Variants in ERBB4 observed in about 807,000 individuals in gnomAD.
ERBB4 encodes receptor tyrosine-protein kinase erbB-4.
Under a neutral mutation model 158.0 loss-of-function variants are expected in ERBB4, and 42 were observed. That is an observed-to-expected ratio of 0.27 (90% CI 0.21 to 0.34). ERBB4 has a LOEUF of 0.34. Ranked by LOEUF, ERBB4 falls within the 10% of genes least tolerant of loss-of-function variation. ERBB4 has a pLI of 1.00. For missense variants in ERBB4, 1,333 were observed against 1,624.1 expected (o/e 0.82, Z 3.08); for synonymous variants, 583 against 558.7 (o/e 1.04, Z -0.61).
intron 3 of ERBB4, among the ~76,000 whole-genome samples, chr2:211,820,953 C>G (rs1444615515): frequency 1.3e-5 from 2 of 151,712 alleles, no homozygotes; most frequent in Non-Finnish European, 3.0e-5. Flanking sequence ...TACGTAACAT[C>G]AAAAGTTTCC....
chr2:212,296,026 G>C (rs1440996914), intron 1 of ERBB4, among the ~76,000 whole-genome samples: 2 of 151,878 alleles, frequency 1.3e-5, no homozygotes, highest in Non-Finnish European at 2.9e-5. Context: ...GATGATCCCA[G>C]GATTGATCAA....
At chr2:211,731,949 G>T (rs760985137) in intron 5 of ERBB4, among the ~76,000 whole-genome samples, 8 of 152,112 alleles carry the variant, frequency 5.3e-5, no homozygotes, top group Admixed American at 2.6e-4. Context: ...TTAAAATAAA[G>T]ATGTCTGGCC....
chr2:211,723,479 A>C (rs1014322074), intron 6 of ERBB4, among the ~76,000 whole-genome samples: 5 of 152,170 alleles, frequency 3.3e-5, no homozygotes, highest in African/African-American at 1.2e-4. Context: ...ATGGTTATTA[A>C]TAAGCATTAA....
chr2:212,343,225 C>T (rs2088809217), intron 1 of ERBB4, among the ~76,000 whole-genome samples: 1 of 152,134 alleles, frequency 6.6e-6, no homozygotes, highest in Non-Finnish European at 1.5e-5. Flanking sequence ...ACTCTTGAAA[C>T]TTTTTATTCT....
chr2:212,176,565 T>G (rs1437053647), intron 1 of ERBB4, among the ~76,000 whole-genome samples: 1 of 151,986 alleles, frequency 6.6e-6, no homozygotes, highest in Non-Finnish European at 1.5e-5. Context: ...CCACCCAGTA[T>G]ATGTTATTTT....
Position 211,721,443 on chromosome 2 carries a change from C to CAAAAAAAAAAAAAAAAAAAAAAAAAAAAA in ERBB4, c.883+949_883+950insTTTTTTTTTTTTTTTTTTTTTTTTTTTTT, listed in dbSNP as rs71054136. Among the ~76,000 whole-genome samples, 13 of 54,498 alleles carry CAAAAAAAAAAAAAAAAAAAAAAAAAAAAA rather than the reference C, an allele frequency of 2.4e-4. 1 individual carries two copies. The highest frequency in any genetic ancestry group is 5.7e-4 in the African/African-American group (6 of 10,534). 35.8% of individuals were successfully genotyped at this position (54,498 alleles called of 152,430 possible). ...GAAATGTCCCATTGGTTACTCAAAG[C>CAAAAAAAAAAAAAAAAAAAAAAAAAAAAA]AAAAAAAAAAAAAAAAAAAAAATAG... On this transcript the variant is annotated intron_variant, in intron 7 of 27. Transcript: ENST00000342788.
At chr2:211,832,617 T>C (rs111867407) in intron 3 of ERBB4, among the ~76,000 whole-genome samples, 36 of 150,540 alleles carry the variant, frequency 2.4e-4, no homozygotes, top group African/African-American at 8.8e-4. Context: ...TGTATATATA[T>C]ATACATATAT....
At chr2:211,865,571 T>C (rs374940441) in intron 3 of ERBB4, among the ~76,000 whole-genome samples, 7 of 152,202 alleles carry the variant, frequency 4.6e-5, no homozygotes, top group African/African-American at 1.7e-4. Flanking sequence ...CACTGCAACT[T>C]CTGCCTCCCA....
chr2:211,480,093 G>C (rs556552633), intron 20 of ERBB4, among the ~76,000 whole-genome samples: 44 of 152,262 alleles, frequency 2.9e-4, no homozygotes, highest in Middle Eastern at 3.4e-3. Flanking sequence ...CATTGGAACT[G>C]ACTTAACCCT....
Position 211,912,484 on chromosome 2 carries a change from T to G in ERBB4, c.421+34946A>C, listed in dbSNP as rs1014315217. Among the ~76,000 whole-genome samples, 4 of 152,176 alleles carry G rather than the reference T, an allele frequency of 2.6e-5. No homozygotes were observed. The South Asian group carries it at 6.2e-4, about 24-fold the overall frequency. ...AGCTATAACATCACTTTGTACCTCATACTTTTATACAATTATAAATTGTCA... is the reference window on the plus strand; with the variant it reads ...AGCTATAACATCACTTTGTACCTCAGACTTTTATACAATTATAAATTGTCA... On this transcript the variant is annotated intron_variant, in intron 3 of 27. Transcript: ENST00000342788.
chr2:211,886,772 C>T (rs906031362), intron 3 of ERBB4, among the ~76,000 whole-genome samples: 3 of 152,174 alleles, frequency 2.0e-5, no homozygotes, highest in Admixed American at 2.0e-4. Flanking sequence ...TCCATGTCAT[C>T]TACACATGCA....
At chr2:212,268,207 G>C (rs927452689) in intron 1 of ERBB4, among the ~76,000 whole-genome samples, 1 of 151,820 alleles carries the variant, frequency 6.6e-6, no homozygotes, top group Admixed American at 6.6e-5. Flanking sequence ...GCAATTCTCT[G>C]TATGATAGCC....
rs370595284 is a variant in ERBB4 at position 211,977,531 on chromosome 2, T to TAAAAAAAAAAAAAAAAAAA, written c.235-29916_235-29915insTTTTTTTTTTTTTTTTTTT. 3.3e-4 allele frequency among the ~76,000 whole-genome samples: 22 copies of TAAAAAAAAAAAAAAAAAAA among 67,618 alleles called. 2 individuals carry two copies. Among genetic ancestry groups the TAAAAAAAAAAAAAAAAAAA allele is most frequent in the African/African-American group, 9.7e-4 (20 of 20,570 alleles). The allele number at this position is 67,618 out of a possible 152,430, so 44.4% of individuals were successfully genotyped here. A position where few individuals can be genotyped will look rare whatever the true frequency, so the allele number is the denominator to read the frequency against. ...CCTTACTTTGTTAAGATATTGACTT[T>TAAAAAAAAAAAAAAAAAAA]AAAAAAAAAAAAAAAAAGTAACTTG... is the stretch of plus-strand genomic sequence containing the variant. On this transcript the variant is annotated intron_variant, in intron 2 of 27. Transcript: ENST00000342788.
intron 2 of ERBB4, among the ~76,000 whole-genome samples, chr2:212,068,542 T>C (rs2078010126): frequency 6.6e-6 from 1 of 152,030 alleles, no homozygotes; most frequent in African/African-American, 2.4e-5. Flanking sequence ...AATAATGAAG[T>C]TTCCTCTGCT....
chr2:212,254,567 T>C (rs1434730414), intron 1 of ERBB4, among the ~76,000 whole-genome samples: 2 of 152,114 alleles, frequency 1.3e-5, no homozygotes, highest in Admixed American at 1.3e-4. Flanking sequence ...GGCAGTAATA[T>C]CCAGGCAGCC....
At chr2:212,377,257 CA>C (rs1485648939) in intron 1 of ERBB4, among the ~76,000 whole-genome samples, 2 of 147,484 alleles carry the variant, frequency 1.4e-5, no homozygotes, top group African/African-American at 2.5e-5. Flanking sequence ...AATATATATA[CA>C]AAAATATATA....
intron 15 of ERBB4, among the ~76,000 whole-genome samples, chr2:211,660,223 T>C (rs535425284): frequency 1.3e-5 from 2 of 152,290 alleles, no homozygotes; most frequent in East Asian, 3.9e-4. Context: ...GTTGCTAGAT[T>C]AGTATTTTCA....
chr2:211,847,413 C>G (rs890161342), intron 3 of ERBB4, among the ~76,000 whole-genome samples: 4 of 152,030 alleles, frequency 2.6e-5, no homozygotes, highest in Non-Finnish European at 4.4e-5. Flanking sequence ...GCCAACTGAG[C>G]CCACATGAAG....
At chr2:211,914,120 A>G (rs1188933264) in intron 3 of ERBB4, among the ~76,000 whole-genome samples, 1 of 151,914 alleles carries the variant, frequency 6.6e-6, no homozygotes, top group East Asian at 1.9e-4. Context: ...CAAGTATTCA[A>G]AAAGAAAATA....
Sources: gnomAD v4.1 joint callset for allele counts (sites outside exome capture counted in the v4.1 genomes callset) on GRCh38, gnomAD v4.1.1 for gene constraint, MANE v1.5 for transcripts, NCBI Gene and HGNC (gene_info 2026-07-23, HGNC 2026-07-21) for gene names.